VSNL1: variants seen among roughly 807,000 people sequenced by gnomAD.
The protein encoded by VSNL1 is visinin-like protein 1.
In VSNL1, 6 loss-of-function variants were observed where a neutral mutation model predicts 20.4. The ratio of observed to expected loss-of-function variants is 0.29; its 90% CI spans 0.16 to 0.58. The LOEUF (loss-of-function observed/expected upper bound fraction) is 0.58. Ranked by LOEUF, VSNL1 falls within the 20% of genes least tolerant of loss-of-function variation. The pLI, the probability that VSNL1 is intolerant of heterozygous loss-of-function variation, is 0.90. For synonymous variants in VSNL1, 93 were observed against 86.4 expected, an observed-to-expected ratio of 1.08 and a Z score of -0.42; for missense variants, 100 against 234.5, an observed-to-expected ratio of 0.43 and a Z score of 3.75.
At chr2:17,639,857 TA>T (rs1665843778) in intron 2 of VSNL1, among the ~76,000 whole-genome samples, 1 of 152,170 alleles carries the variant, frequency 6.6e-6, no homozygotes, top group Non-Finnish European at 1.5e-5. Flanking sequence ...TGGAACCCAA[TA>T]CCGGGCATTC....
chr2:17,606,168 T>C (rs1664939826), intron 2 of VSNL1, among the ~76,000 whole-genome samples: 1 of 152,200 alleles, frequency 6.6e-6, no homozygotes, highest in South Asian at 2.1e-4. Flanking sequence ...TTGATGGAGA[T>C]CTCAGGTGAT....
intron 2 of VSNL1, among the ~76,000 whole-genome samples, chr2:17,618,758 A>G (rs367728499): frequency 1.3e-5 from 2 of 152,346 alleles, no homozygotes; most frequent in South Asian, 2.1e-4. Context: ...TTTAATCCTC[A>G]CTAAAGCTCT....
chr2:17,562,168 G>T (rs372208842), intron 1 of VSNL1, among the ~76,000 whole-genome samples: 29 of 152,224 alleles, frequency 1.9e-4, no homozygotes, highest in African/African-American at 7.0e-4. Context: ...GTAGTTGATC[G>T]AAAGAACACA....
chr2:17,552,969 A>C (rs62130455), intron 1 of VSNL1, among the ~76,000 whole-genome samples: 4,457 of 152,316 alleles, frequency 0.029, 63 homozygotes, highest in Middle Eastern at 0.054. Context: ...AATTGTAAGG[A>C]TAAACATAAT....
intron 1 of VSNL1, among the ~76,000 whole-genome samples, chr2:17,560,707 A>C (rs765907029): frequency 6.6e-6 from 1 of 152,216 alleles, no homozygotes; most frequent in Non-Finnish European, 1.5e-5. Context: ...GGAAATAAGC[A>C]ATCAAGAAGC....
At chr2:17,627,931 G>A (rs1665547794) in intron 2 of VSNL1, among the ~76,000 whole-genome samples, 1 of 152,284 alleles carries the variant, frequency 6.6e-6, no homozygotes, top group African/African-American at 2.4e-5. Context: ...AAGCTAGTTC[G>A]GCCTATGCCC....
chr2:17,631,446 T>C (rs2103412237), intron 2 of VSNL1, among the ~76,000 whole-genome samples: 1 of 152,330 alleles, frequency 6.6e-6, no homozygotes, highest in Middle Eastern at 3.4e-3. Context: ...TGTATCATTG[T>C]TCTGGTATCA....
At chr2:17,622,291 A>G (rs1665379312) in intron 2 of VSNL1, among the ~76,000 whole-genome samples, 1 of 151,724 alleles carries the variant, frequency 6.6e-6, no homozygotes, top group Non-Finnish European at 1.5e-5. Context: ...TGAGGTCAGG[A>G]GCTCGAGACC....
intron 2 of VSNL1, among the ~76,000 whole-genome samples, chr2:17,636,046 G>A (rs1208540032): frequency 6.6e-6 from 1 of 151,906 alleles, no homozygotes; most frequent in African/African-American, 2.4e-5. Context: ...GCGGGTGTCA[G>A]GATTTGGTGG....
At chr2:17,557,145 T>C (rs533609987) in intron 1 of VSNL1, among the ~76,000 whole-genome samples, 1 of 152,230 alleles carries the variant, frequency 6.6e-6, no homozygotes, top group South Asian at 2.1e-4. Context: ...TCCAATGAAA[T>C]AGATATTATC....
At chr2:17,542,079 G>A (rs1663296932) in intron 1 of VSNL1, among the ~76,000 whole-genome samples, 1 of 152,168 alleles carries the variant, frequency 6.6e-6, no homozygotes, top group African/African-American at 2.4e-5. Flanking sequence ...AAGCTGGGGA[G>A]TTTTATTTCT....
Position 17,649,723 on chromosome 2 carries a change from C to T in VSNL1, c.378+98C>T, listed in dbSNP as rs553718987. On this transcript the variant is annotated intron_variant, in intron 3 of 3. Transcript: ENST00000295156. This position sits in a 1 kb window ranked among gnomAD's most constrained non-coding sequence, Gnocchi z 6.4. The stretch of plus-strand genomic sequence containing the variant: ...CTTAGTGGCTTCTTCTCTCTCTGCT[C>T]GAGCCCTGCCAGCTGCACACCACGC... 5.6e-4 allele frequency: 631 copies of T among 1,135,684 alleles called. 1 individual carries two copies. Among genetic ancestry groups the T allele is most frequent in the Non-Finnish European group, 7.7e-4 (600 of 781,028 alleles). 70.4% of individuals were successfully genotyped at this position (1,135,684 alleles called of 1,614,324 possible).
chr2:17,646,009 T>C (rs115575519), intron 2 of VSNL1, among the ~76,000 whole-genome samples: 44 of 152,340 alleles, frequency 2.9e-4, no homozygotes, highest in African/African-American at 1.1e-3. Context: ...TCCATTACTT[T>C]TGTTTGCAGC....
chr2:17,608,484 A>C lies in VSNL1; in HGVS notation c.162+16248A>C, dbSNP rs927870344. ...CTGGGTTGCCAGGGTAACCCACTGG[A>C]TGAAGCTCTAGCTGGCTTTGGGAAA... On this transcript the variant is annotated intron_variant, in intron 2 of 3. Coordinates refer to ENST00000295156, the MANE Select transcript of VSNL1 (RefSeq NM_003385.5). Among the ~76,000 whole-genome samples, 4 of 152,326 alleles carry C rather than the reference A, an allele frequency of 2.6e-5. No individual in the cohort carries two copies. In the East Asian group the frequency reaches 7.7e-4, roughly 29 times the overall value.
At chr2:17,603,444 TC>T (rs1255854581) in intron 2 of VSNL1, among the ~76,000 whole-genome samples, 2 of 152,116 alleles carry the variant, frequency 1.3e-5, no homozygotes, top group Non-Finnish European at 2.9e-5. Flanking sequence ...AGAACCTATC[TC>T]CTAAGAACAT....
At chr2:17,552,508 A>C (rs1663567928) in intron 1 of VSNL1, among the ~76,000 whole-genome samples, 1 of 152,144 alleles carries the variant, frequency 6.6e-6, no homozygotes, top group Non-Finnish European at 1.5e-5. Context: ...ATAATATAAT[A>C]AGCCCCCATG....
At chr2:17,644,246 T>C (rs373378886) in intron 2 of VSNL1, among the ~76,000 whole-genome samples, 38 of 152,168 alleles carry the variant, frequency 2.5e-4, no homozygotes, top group African/African-American at 7.7e-4. Context: ...TAAGGGCACA[T>C]GAGACCCCAA....
Position 17,634,862 on chromosome 2 carries a change from T to C in VSNL1, c.163-14548T>C, listed in dbSNP as rs1051954350. On this transcript the variant is annotated intron_variant, in intron 2 of 3. Transcript: ENST00000295156. The surrounding 1 kb of genome is among the most constrained non-coding windows in gnomAD (Gnocchi z 4.3). ...AGCCAGAGCCTCCTTGTCCCATGGG[T>C]CCCGCTGCAGGGAGTTACTGCTCCT... Among the ~76,000 whole-genome samples, 1 of 152,072 alleles carries C rather than the reference T, an allele frequency of 6.6e-6. No homozygotes were observed.
At chr2:17,601,688 A>C (rs1664824176) in intron 2 of VSNL1, among the ~76,000 whole-genome samples, 1 of 151,664 alleles carries the variant, frequency 6.6e-6, no homozygotes, top group African/African-American at 2.4e-5. Flanking sequence ...TAATCCCAGC[A>C]CTTTGGGAGG....
Sources: allele counts gnomAD v4.1 joint callset (sites outside exome capture counted in the v4.1 genomes callset), GRCh38; gene constraint gnomAD v4.1.1; non-coding constraint Gnocchi (gnomAD v3.1); transcripts MANE v1.5; gene names NCBI Gene and HGNC (gene_info 2026-07-23, HGNC 2026-07-21).